Variants in EPB41 observed in about 807,000 individuals in gnomAD.
EPB41 encodes the protein protein 4.1.
EPB41 carries 65 observed loss-of-function variants against 108.0 expected under a neutral mutation model. That is an observed-to-expected ratio of 0.60 (90% CI 0.49 to 0.74). The LOEUF (loss-of-function observed/expected upper bound fraction) is 0.74. Ranked by LOEUF, EPB41 falls within the 30% of genes least tolerant of loss-of-function variation. The pLI, the probability that EPB41 is intolerant of heterozygous loss-of-function variation, is 0.00. For missense variants in EPB41, 875 were observed against 1,037.0 expected (o/e 0.84, Z 2.15); for synonymous variants, 336 against 358.9 (o/e 0.94, Z 0.72).
At chr1:29,048,926 C>T (rs1644010958) in intron 11 of EPB41, among the ~76,000 whole-genome samples, 1 of 152,070 alleles carries the variant, frequency 6.6e-6, no homozygotes, top group South Asian at 2.1e-4. Flanking sequence ...TTTTTCCCTC[C>T]TTTCCTTAGA....
At chr1:29,091,969 G>A (rs942908601) in intron 16 of EPB41, among the ~76,000 whole-genome samples, 2 of 151,922 alleles carry the variant, frequency 1.3e-5, no homozygotes, top group Non-Finnish European at 2.9e-5. Context: ...AATGGAGGCT[G>A]GTTTACAAGT....
chr1:29,067,868 A>G (rs764116812), intron 16 of EPB41, among the ~76,000 whole-genome samples: 1 of 152,076 alleles, frequency 6.6e-6, no homozygotes. Flanking sequence ...CTCAGCCTCC[A>G]TTTTCTGATA....
At position 29,115,756 on chromosome 1, in the gene EPB41, A is replaced by C; in HGVS notation, c.2554A>C (p.Lys852Gln). 1 of 1,614,102 alleles carries C rather than the reference A, an allele frequency of 6.2e-7. No individual in the cohort carries two copies. The highest frequency in any genetic ancestry group is 8.5e-7 in the Non-Finnish European group (1 of 1,180,002). ...KEQHPDMSVTKVVVHQETEIA... is the reference protein window; with the variant it reads ...KEQHPDMSVTQVVVHQETEIA... ...GCAGCACCCAGACATGTCAGTGACC[A>C]AGGTGGTCGTCCACCAGGAGACCGA... Residue 852 changes from lysine to glutamine, a missense_variant, in exon 20 of 21, where the codon AAG (lysine) becomes CAG (glutamine). Physicochemically the swap from Lys to Gln is moderately conservative, Grantham distance 53 (BLOSUM62 1). This residue lies in a region of EPB41 where 519 missense variants were observed against 627.3 expected (regional missense o/e 0.83). Coordinates refer to ENST00000343067, the MANE Select transcript of EPB41 (RefSeq NM_001376013.1). This position sits in a 1 kb window ranked among gnomAD's most constrained non-coding sequence, Gnocchi z 4.4.
chr1:28,980,322 A>T (rs1360949453), intron 1 of EPB41, among the ~76,000 whole-genome samples: 1 of 152,142 alleles, frequency 6.6e-6, no homozygotes, highest in African/African-American at 2.4e-5. Flanking sequence ...TGGGCCACAG[A>T]GCCAGAACCT....
At chr1:29,043,906 T>C (rs1291729135) in intron 11 of EPB41, among the ~76,000 whole-genome samples, 1 of 152,184 alleles carries the variant, frequency 6.6e-6, no homozygotes, top group African/African-American at 2.4e-5. Flanking sequence ...GCTGACTGAA[T>C]TGCTGACAAA....
chr1:28,938,057 C>T (rs1365297331), intron 1 of EPB41, among the ~76,000 whole-genome samples: 2 of 152,240 alleles, frequency 1.3e-5, no homozygotes, highest in Admixed American at 6.5e-5. Flanking sequence ...CGTTGATCTA[C>T]GTGTTTATCC....
At chr1:29,106,564 ATTT>A (rs1187973613) in intron 17 of EPB41, among the ~76,000 whole-genome samples, 2 of 50,882 alleles carry the variant, frequency 3.9e-5, no homozygotes, top group African/African-American at 8.5e-5. Context: ...AGTAGCTGGG[ATTT>A]TTTTTTTTTT....
chr1:28,964,007 A>G (rs932981229), intron 1 of EPB41, among the ~76,000 whole-genome samples: 2 of 152,084 alleles, frequency 1.3e-5, no homozygotes, highest in East Asian at 1.9e-4. Flanking sequence ...CATCTCAACA[A>G]ACCTTGATTC....
chr1:29,076,597 G>C (rs1258627965), intron 16 of EPB41, among the ~76,000 whole-genome samples: 2 of 152,162 alleles, frequency 1.3e-5, no homozygotes, highest in African/African-American at 4.8e-5. Flanking sequence ...GTTTATACCA[G>C]TGTGATGATA....
intron 1 of EPB41, among the ~76,000 whole-genome samples, chr1:28,943,689 C>T (rs1181645336): frequency 6.6e-6 from 1 of 151,874 alleles, no homozygotes; most frequent in African/African-American, 2.4e-5. Context: ...CAACGAGAAG[C>T]TTACATCCAA....
At chr1:28,941,227 CA>C (rs1340965215) in intron 1 of EPB41, among the ~76,000 whole-genome samples, 1 of 150,010 alleles carries the variant, frequency 6.7e-6, no homozygotes, top group East Asian at 2.0e-4. Flanking sequence ...ACAAAACAAA[CA>C]AAAAAACTAG....
chr1:29,028,887 A>G (rs2096754226), intron 7 of EPB41, among the ~76,000 whole-genome samples: 1 of 152,022 alleles, frequency 6.6e-6, no homozygotes, highest in Non-Finnish European at 1.5e-5. Context: ...ACGAAAAATA[A>G]GAAAACTAGC....
intron 16 of EPB41, chr1:29,096,523 A>G (rs1663270051): frequency 1.0e-6 from 1 of 985,760 alleles, no homozygotes; most frequent in Admixed American, 6.2e-5. Flanking sequence ...TTACACCAGG[A>G]GAGCCACCTG....
chr1:28,931,813 C>T (rs931665203), intron 1 of EPB41, among the ~76,000 whole-genome samples: 4 of 152,048 alleles, frequency 2.6e-5, no homozygotes, highest in East Asian at 3.9e-4. Flanking sequence ...GGATTACAGG[C>T]GTGAGCCACC....
intron 4 of EPB41, among the ~76,000 whole-genome samples, chr1:29,002,169 G>T (rs142714761): frequency 6.6e-6 from 1 of 152,208 alleles, no homozygotes; most frequent in East Asian, 1.9e-4. Context: ...TTATTATTAT[G>T]ATAGTATTAT....
At chr1:29,096,902 G>A (rs370949564) in intron 16 of EPB41, 10 of 152,346 alleles carry the variant, frequency 6.6e-5, no homozygotes, top group African/African-American at 2.4e-4. Flanking sequence ...GGTGAATTGC[G>A]GTGACTTCTG....
chr1:29,096,612 T>C (rs1663287829), intron 16 of EPB41: 17 of 983,844 alleles, frequency 1.7e-5, no homozygotes, highest in Non-Finnish European at 2.1e-5. Context: ...CAGGTAGTAA[T>C]TTATTCAATG....
upstream of EPB41, among the ~76,000 whole-genome samples, chr1:28,913,178 G>A (rs1218614992): frequency 1.3e-5 from 2 of 152,084 alleles, no homozygotes; most frequent in East Asian, 3.9e-4. Flanking sequence ...GCCGGGCGCG[G>A]TGGCTCAAGC....
chr1:29,074,280 A>G (rs1558239688), intron 16 of EPB41, among the ~76,000 whole-genome samples: 1 of 152,220 alleles, frequency 6.6e-6, no homozygotes, highest in Non-Finnish European at 1.5e-5. Flanking sequence ...CCCAAACTAT[A>G]GCATTCTCTG....
Sources: gnomAD v4.1 joint callset for allele counts (sites outside exome capture counted in the v4.1 genomes callset) on GRCh38, gnomAD v4.1.1 for gene constraint, gnomAD v4.1.1 regional missense constraint, Gnocchi (gnomAD v3.1) non-coding constraint, MANE v1.5 for transcripts, NCBI Gene and HGNC (gene_info 2026-07-23, HGNC 2026-07-21) for gene names.